Variants in ROCK2 observed in about 807,000 individuals in gnomAD.
The protein encoded by ROCK2 is Rho associated coiled-coil containing protein kinase 2.
ROCK2 carries 61 observed loss-of-function variants against 195.1 expected under a neutral mutation model. The observed-to-expected ratio is 0.31, with a 90% confidence interval of 0.25 to 0.39. ROCK2 has a LOEUF of 0.39. Ranked by LOEUF, ROCK2 falls within the 10% of genes least tolerant of loss-of-function variation. The pLI, the probability that ROCK2 is intolerant of heterozygous loss-of-function variation, is 1.00. For synonymous variants in ROCK2, 504 were observed against 545.5 expected, an observed-to-expected ratio of 0.92 and a Z score of 1.06; for missense variants, 1,109 against 1,637.4, an observed-to-expected ratio of 0.68 and a Z score of 5.57.
intron 5 of ROCK2, among the ~76,000 whole-genome samples, chr2:11,231,272 T>C (rs1262976817): frequency 6.6e-6 from 1 of 151,972 alleles, no homozygotes; most frequent in Non-Finnish European, 1.5e-5. Flanking sequence ...GGCACGAACT[T>C]GGCTGACTGT....
intron 17 of ROCK2, 68 bp from the exon 18 acceptor site, chr2:11,211,908 AT>A (rs376149202): frequency 0.15 from 143,064 of 974,586 alleles, no homozygotes; most frequent in East Asian, 0.2. Flanking sequence ...AAGCTTTCTA[AT>A]TTTTTTTTTT....
At position 11,197,517 on chromosome 2, in the gene ROCK2, T is replaced by C; in HGVS notation, c.3279+9A>G. ...AGTCTTCAGTCTAGAGTCCAAAAAG[T>C]ATTCTTACTGCCTGCATTTCATTCA... On this transcript the variant is annotated intron_variant, in intron 26 of 32. Transcript: ENST00000315872. This position sits in a 1 kb window ranked among gnomAD's most constrained non-coding sequence, Gnocchi z 4.9. The C allele has an allele frequency of 6.2e-7, 1 of 1,608,870 alleles. No individual in the cohort carries two copies. Among genetic ancestry groups the C allele is most frequent in the Non-Finnish European group, 8.5e-7 (1 of 1,178,120 alleles).
At chr2:11,185,157 C>G (rs1319995197) in intron 32 of ROCK2, among the ~76,000 whole-genome samples, 1 of 152,180 alleles carries the variant, frequency 6.6e-6, no homozygotes, top group Non-Finnish European at 1.5e-5. Context: ...ATTGTCAGCT[C>G]AGTTTTTCCA....
chr2:11,197,484 T>TA lies in ROCK2; in HGVS notation c.3279+41dup, dbSNP rs771873928. 3.8e-6 allele frequency: 6 copies of TA among 1,572,848 alleles called. No individual in the cohort carries two copies. The South Asian group carries it at 7.0e-5, about 18-fold the overall frequency. On this transcript the variant is annotated intron_variant, in intron 26 of 32. Transcript: ENST00000315872. The surrounding 1 kb of genome is among the most constrained non-coding windows in gnomAD (Gnocchi z 4.9). ...CAGACATGAAAATAATTCTACTTCT[T>TA]AAAAAGAAGTCTTCAGTCTAGAGTC...
Position 11,216,167 on chromosome 2 carries a change from T to C in ROCK2, c.1452A>G (p.Leu484=). 1.9e-6 allele frequency: 3 copies of C among 1,612,986 alleles called. No individual in the cohort carries two copies. Among genetic ancestry groups the C allele is most frequent in the Non-Finnish European group, 2.5e-6 (3 of 1,179,078 alleles). ...AGTGGGGCAACTTTACCTCCTCTTC[T>C]AGCTCCTTTGCTGTTTTTTCTAGGC... ...NTRLEKTAKE[L]EEEITLRKSV... The change falls in exon 13 of 33, where the codon CTA becomes CTG. Residue 484 remains leucine (L), a synonymous_variant. Transcript: ENST00000315872.
intron 1 of ROCK2, among the ~76,000 whole-genome samples, chr2:11,305,444 TACACACACAC>T (rs59533265): frequency 0.15 from 22,942 of 150,406 alleles, 1,975 homozygotes; most frequent in Middle Eastern, 0.23. Flanking sequence ...TGTGTGGGTG[TACACACACAC>T]ACACACACAC....
At chr2:11,293,396 A>G (rs1276279469) in intron 1 of ROCK2, among the ~76,000 whole-genome samples, 6 of 152,238 alleles carry the variant, frequency 3.9e-5, no homozygotes, top group Admixed American at 2.0e-4. Context: ...TTCATAGCCT[A>G]TAAAATCATT....
In ROCK2 at chr2:11,192,291, C is replaced by T; in HGVS notation, c.4020G>A (p.Trp1340Ter). Residue 1340 changes from tryptophan to a stop codon, truncating the protein, a stop_gained, in exon 32 of 33, where the codon TGG (tryptophan) becomes TGA (stop). Transcript: ENST00000315872. LOFTEE classifies it high-confidence loss of function. The surrounding 1 kb of genome is among the most constrained non-coding windows in gnomAD (Gnocchi z 5.0). ...LANSTEEQQK[W>*]VSRLVKKIPK... ...GTATCTTTTTCACCAACCGACTAAC[C>T]CACTTCTGCTGCTCTTCTGTAGAAT... 1 of 1,613,806 alleles carries T rather than the reference C, an allele frequency of 6.2e-7. No individual in the cohort carries two copies. The highest frequency in any genetic ancestry group is 1.1e-5 in the South Asian group (1 of 91,068).
intron 23 of ROCK2, among the ~76,000 whole-genome samples, chr2:11,199,012 T>C (rs894432926): frequency 1.3e-5 from 2 of 151,852 alleles, no homozygotes; most frequent in African/African-American, 4.8e-5. Context: ...GTGATTCTCC[T>C]GCCTCAGCCT....
intron 1 of ROCK2, among the ~76,000 whole-genome samples, chr2:11,304,743 A>G (rs1023909578): frequency 1.3e-5 from 2 of 152,028 alleles, no homozygotes; most frequent in African/African-American, 4.8e-5. Flanking sequence ...TTTCTGTCTC[A>G]CTCACTGTGC....
rs1669205132 is a variant in ROCK2, at chr2:11,344,162, G to A, written c.-26C>T. 2 of 1,399,866 alleles carry A rather than the reference G, an allele frequency of 1.4e-6. No homozygotes were observed. The highest frequency in any genetic ancestry group is 9.2e-7 in the Non-Finnish European group (1 of 1,081,410). 86.7% of individuals were successfully genotyped at this position (1,399,866 alleles called of 1,614,324 possible). On this transcript the variant is annotated 5_prime_UTR_variant, in exon 1 of 33. Coordinates refer to ENST00000315872, the MANE Select transcript of ROCK2 (RefSeq NM_004850.5). The surrounding 1 kb of genome is among the most constrained non-coding windows in gnomAD (Gnocchi z 5.4). ...GCCGCCACCGCTGGACCCGCACTCA[G>A]GCTCCTCGCGCTCAGGTCCCGCAGC... is the stretch of plus-strand genomic sequence containing the variant.
At chr2:11,249,820 A>G in intron 3 of ROCK2, 22 bp from the exon 4 acceptor site, 1 of 1,468,650 alleles carries the variant, frequency 6.8e-7, no homozygotes, top group Non-Finnish European at 9.0e-7. Context: ...TGAAAACACA[A>G]AAATTAATAC....
chr2:11,229,336 A>G (rs1664920313), intron 5 of ROCK2, among the ~76,000 whole-genome samples: 1 of 152,132 alleles, frequency 6.6e-6, no homozygotes, highest in African/African-American at 2.4e-5. Flanking sequence ...AATTATATGA[A>G]TATGAAATCT....
At chr2:11,270,519 G>C (rs1174364469) in intron 3 of ROCK2, among the ~76,000 whole-genome samples, 1 of 152,064 alleles carries the variant, frequency 6.6e-6, no homozygotes, top group Non-Finnish European at 1.5e-5. Context: ...CCATGGTTCT[G>C]TGATAATTCT....
chr2:11,317,338 A>G (rs1284804209), intron 1 of ROCK2, among the ~76,000 whole-genome samples: 1 of 151,770 alleles, frequency 6.6e-6, no homozygotes, highest in Non-Finnish European at 1.5e-5. Flanking sequence ...GTTAGTGAAA[A>G]AAGTATGTGA....
At chr2:11,251,417 C>T (rs1665827710) in intron 3 of ROCK2, among the ~76,000 whole-genome samples, 1 of 152,204 alleles carries the variant, frequency 6.6e-6, no homozygotes, top group Non-Finnish European at 1.5e-5. Context: ...TCTTCATTCC[C>T]AGTGAGGTAT....
intron 3 of ROCK2, among the ~76,000 whole-genome samples, chr2:11,271,049 C>T (rs1409636150): frequency 6.6e-6 from 1 of 152,150 alleles, no homozygotes; most frequent in African/African-American, 2.4e-5. Flanking sequence ...TAGGTCTCAG[C>T]GAATCCTTAT....
At chr2:11,257,683 TGGC>T (rs1666084667) in intron 3 of ROCK2, among the ~76,000 whole-genome samples, 1 of 151,320 alleles carries the variant, frequency 6.6e-6, no homozygotes, top group Admixed American at 6.6e-5. Flanking sequence ...TCATTAGAGA[TGGC>T]GGCCCATGGG....
At chr2:11,207,671 T>C in intron 20 of ROCK2, 55 bp downstream of exon 20, 1 of 1,352,962 alleles carries the variant, frequency 7.4e-7, no homozygotes, top group Non-Finnish European at 1.0e-6. Context: ...TACACCAAAA[T>C]TAACTTATAC....
Sources: gnomAD v4.1 joint callset for allele counts (sites outside exome capture counted in the v4.1 genomes callset) on GRCh38, gnomAD v4.1.1 for gene constraint, Gnocchi (gnomAD v3.1) non-coding constraint, MANE v1.5 for transcripts, NCBI Gene and HGNC (gene_info 2026-07-23, HGNC 2026-07-21) for gene names.